The following PI4KA variants were observed in gnomAD, a reference collection of about 807,000 sequenced individuals.
PI4KA encodes phosphatidylinositol 4-kinase alpha, also known as PI4-kinase alpha.
PI4KA carries 122 observed loss-of-function variants against 271.4 expected under a neutral mutation model. The ratio of observed to expected loss-of-function variants is 0.45; its 90% confidence interval spans 0.39 to 0.52. The LOEUF (loss-of-function observed/expected upper bound fraction) is 0.52. Ranked by LOEUF, PI4KA falls within the 20% of genes least tolerant of loss-of-function variation. The probability of loss-of-function intolerance (pLI) is 0.00; values close to 1 mark genes in which losing one functional copy is unlikely to be tolerated. For missense variants in PI4KA, 1,969 were observed against 2,769.1 expected (o/e 0.71, Z 6.48); for synonymous variants, 1,041 against 1,078.8 (o/e 0.96, Z 0.69).
chr22:20,807,110 T>C (rs1417498592), intron 10 of PI4KA, among the ~76,000 whole-genome samples: 2 of 152,202 alleles, frequency 1.3e-5, no homozygotes. Context: ...AACATGCACA[T>C]TTTAGATAAA....
At chr22:20,717,651 C>T in intron 45 of PI4KA, 57 bp downstream of exon 45, 4 of 1,370,650 alleles carry the variant, frequency 2.9e-6, no homozygotes, top group Non-Finnish European at 3.1e-6. Flanking sequence ...GCCTTCACGC[C>T]CCGCCGCCCG....
chr22:20,779,024 G>A (rs1453450415), intron 19 of PI4KA, among the ~76,000 whole-genome samples: 6 of 152,150 alleles, frequency 3.9e-5, no homozygotes, highest in Non-Finnish European at 4.4e-5. Context: ...TGAGCTCCCA[G>A]GATTCTAGAA....
At position 20,747,674 on chromosome 22, in the gene PI4KA, A is replaced by G. The variant is rs1417539775; in HGVS notation, c.3272T>C (p.Val1091Ala). The G allele has an allele frequency of 6.2e-7, 1 of 1,613,674 alleles. No individual in the cohort carries two copies. Among genetic ancestry groups the G allele is most frequent in the Non-Finnish European group, 8.5e-7 (1 of 1,179,778 alleles). ...QEYLNKHQNW[V>A]SGLSQHTGLA... The stretch of plus-strand genomic sequence containing the variant: ...CCCCGTGTGCTGGGACAGTCCCGAT[A>G]CCCAGTTCTGATGTTTGTTCAGATA... Residue 1091 changes from valine to alanine, a missense_variant, in exon 29 of 55, where the codon GTA becomes GCA. Val to Ala is a moderately conservative substitution (Grantham distance 64). Around this residue, in one of 13 missense-constraint regions of PI4KA, gnomAD observed 368 missense variants for 544.3 expected, o/e 0.68. Coordinates refer to ENST00000255882, the MANE Select transcript of PI4KA (RefSeq NM_058004.4).
At chr22:20,714,861 T>C (rs1236294530) in intron 45 of PI4KA, among the ~76,000 whole-genome samples, 161 bp from the exon 46 acceptor site, 1 of 152,204 alleles carries the variant, frequency 6.6e-6, no homozygotes, top group Non-Finnish European at 1.5e-5. Flanking sequence ...TAACTTATTA[T>C]TCCATGGCCG....
intron 32 of PI4KA, among the ~76,000 whole-genome samples, chr22:20,740,514 T>C (rs946961808): frequency 9.9e-5 from 15 of 151,528 alleles, no homozygotes; most frequent in South Asian, 2.1e-4. Context: ...ATTTCCAAGT[T>C]TGATGAAAAT....
intron 1 of PI4KA, among the ~76,000 whole-genome samples, chr22:20,853,608 G>C (rs916101861): frequency 5.9e-5 from 9 of 152,218 alleles, no homozygotes; most frequent in Non-Finnish European, 1.3e-4. Flanking sequence ...TTCACAGACA[G>C]AGTGTCCTCT....
chr22:20,746,273 A>AGGAT (rs1930097026), intron 29 of PI4KA, among the ~76,000 whole-genome samples: 1 of 151,982 alleles, frequency 6.6e-6, no homozygotes, highest in Non-Finnish European at 1.5e-5. Flanking sequence ...CGTGTTGGCC[A>AGGAT]GGATGGTCTC....
intron 19 of PI4KA, among the ~76,000 whole-genome samples, chr22:20,783,435 TAAAAA>T (rs362069): frequency 7.3e-6 from 1 of 136,066 alleles, no homozygotes. Flanking sequence ...CATCTACAAT[TAAAAA>T]AAAAAAAAAA....
At chr22:20,784,418 T>C (rs1934045371) in intron 19 of PI4KA, among the ~76,000 whole-genome samples, 1 of 152,122 alleles carries the variant, frequency 6.6e-6, no homozygotes. Flanking sequence ...AGATAAGAGA[T>C]GATTAGAGAG....
chr22:20,751,294 T>G lies in PI4KA; in HGVS notation c.3152A>C (p.Glu1051Ala), dbSNP rs1930657745. 9 of 1,613,250 alleles carry G rather than the reference T, an allele frequency of 5.6e-6. No homozygotes were observed. Among genetic ancestry groups the G allele is most frequent in the Non-Finnish European group, 7.6e-6 (9 of 1,179,310 alleles). ...ITVPDTYEAR[E>A]SIVKDFAARC... ...TGCAGGGGATCGTGTCGGGCCTACC[T>G]CACGGGCTTCGTACGTGTCAGGAAC... Residue 1051 changes from glutamate to alanine, a missense_variant and splice_region_variant, in exon 27 of 55, where the codon GAG becomes GCG. Glu to Ala is a moderately radical substitution (Grantham distance 107). Transcript: ENST00000255882.
chr22:20,807,471 C>A lies in PI4KA; in HGVS notation c.1072-13G>T. The stretch of plus-strand genomic sequence containing the variant: ...CACTGGGGTTGGCCTGCAGGGAAGG[C>A]AGACACACATGACTATAGAACAGAA... On this transcript the variant is annotated splice_polypyrimidine_tract_variant and intron_variant, in intron 9 of 54. Coordinates refer to ENST00000255882, the MANE Select transcript of PI4KA (RefSeq NM_058004.4). 1 of 1,505,314 alleles carries A rather than the reference C, an allele frequency of 6.6e-7. No homozygotes were observed. The highest frequency in any genetic ancestry group is 9.2e-7 in the Non-Finnish European group (1 of 1,081,090). 93.2% of individuals were successfully genotyped at this position (1,505,314 alleles called of 1,614,324 possible).
intron 32 of PI4KA, among the ~76,000 whole-genome samples, chr22:20,738,223 C>A (rs554109940): frequency 8.3e-4 from 127 of 152,194 alleles, no homozygotes; most frequent in African/African-American, 3.0e-3. Context: ...CCCTCCTGAG[C>A]CCACAGGAGG....
chr22:20,792,039 T>A (rs1336411841), intron 19 of PI4KA, among the ~76,000 whole-genome samples: 1 of 152,066 alleles, frequency 6.6e-6, no homozygotes, highest in Non-Finnish European at 1.5e-5. Flanking sequence ...AGGTGGAGAC[T>A]GCAGTTAGCC....
chr22:20,793,967 T>G (rs1261974603), intron 18 of PI4KA, among the ~76,000 whole-genome samples: 1 of 152,246 alleles, frequency 6.6e-6, no homozygotes, highest in Non-Finnish European at 1.5e-5. Context: ...GGCACTGTGC[T>G]CAGTGCTTCG....
intron 45 of PI4KA, 96 bp from the exon 46 acceptor site, chr22:20,714,796 T>G: frequency 7.1e-7 from 1 of 1,413,918 alleles, no homozygotes; most frequent in Non-Finnish European, 9.6e-7. Flanking sequence ...GTGTCCACCC[T>G]GCAGGCACAC....
At position 20,851,139 on chromosome 22, in the gene PI4KA, G is replaced by A. The variant is rs190506879; in HGVS notation, c.156+7431C>T. ...CTTTGCGAGGCCGAAGTGGGCAGAC[G>A]GCTTGAGCCCTGGAATTTGAGACCA... On this transcript the variant is annotated intron_variant, in intron 1 of 54. Transcript: ENST00000255882. Among the ~76,000 whole-genome samples, 417 of 151,988 alleles carry A rather than the reference G, an allele frequency of 2.7e-3. 1 individual carries two copies. The highest frequency in any genetic ancestry group is 9.0e-3 in the African/African-American group (375 of 41,438).
rs1246951050 is a variant in PI4KA at position 20,777,298 on chromosome 22, C to T, written c.2329-11605G>A. Among the ~76,000 whole-genome samples the T allele has an allele frequency of 5.3e-5, 8 of 151,906 alleles. No individual in the cohort carries two copies. In the East Asian group the frequency reaches 1.6e-3, roughly 29 times the overall value. The stretch of plus-strand genomic sequence containing the variant: ...ATGGTGCGATCTTGGCTCACCACAA[C>T]CTCTGCCTCCTGAATTCAAACGAAT... On this transcript the variant is annotated intron_variant, in intron 19 of 54. Coordinates refer to ENST00000255882, the MANE Select transcript of PI4KA (RefSeq NM_058004.4).
chr22:20,766,236 A>G (rs1270356859), intron 19 of PI4KA, among the ~76,000 whole-genome samples: 1 of 152,074 alleles, frequency 6.6e-6, no homozygotes, highest in Admixed American at 6.5e-5. Context: ...TTTTCCAAAC[A>G]GTAATCTTCG....
At chr22:20,733,672 C>A (rs866117062) in intron 35 of PI4KA, 64 bp downstream of exon 35, 11 of 1,612,836 alleles carry the variant, frequency 6.8e-6, no homozygotes, top group South Asian at 3.3e-5. Context: ...GGGTTTGGGG[C>A]GATGGAGCAC....
Sources: allele counts gnomAD v4.1 joint callset (sites outside exome capture counted in the v4.1 genomes callset), GRCh38; gene constraint gnomAD v4.1.1; regional missense constraint gnomAD v4.1.1; transcripts MANE v1.5; gene names NCBI Gene and HGNC (gene_info 2026-07-23, HGNC 2026-07-21).